Variants in TRIM5 observed in about 807,000 individuals in gnomAD.
TRIM5 encodes the protein tripartite motif containing 5.
Under a neutral mutation model 35.6 loss-of-function variants are expected in TRIM5, and 31 were observed. That is an observed-to-expected ratio of 0.87 (90% confidence interval 0.65 to 1.18). The LOEUF (loss-of-function observed/expected upper bound fraction) is 1.18. Among genes scored for constraint, TRIM5 ranks in the 50% most tolerant of loss-of-function variants. TRIM5 has a pLI of 0.00. For synonymous variants in TRIM5, 243 were observed against 215.6 expected (o/e 1.13, Z -1.11); for missense variants, 609 against 591.6 (o/e 1.03, Z -0.31).
chr11:5,682,954 G>T (rs889524249), intron 1 of TRIM5, among the ~76,000 whole-genome samples: 1 of 152,236 alleles, frequency 6.6e-6, no homozygotes, highest in Non-Finnish European at 1.5e-5. Flanking sequence ...GAGGGAGAGG[G>T]GCGAGCGGGA....
At chr11:5,592,796 A>T in the TRIM5 span, among the ~76,000 whole-genome samples, 1 of 151,534 alleles carries the variant, frequency 6.6e-6, no homozygotes. Context: ...GTATGCCCTT[A>T]GTCTCAGCTA....
At chr11:5,666,192 G>A in intron 5 of TRIM5, 111 bp from the exon 6 acceptor site, 1 of 905,604 alleles carries the variant, frequency 1.1e-6, no homozygotes, top group Non-Finnish European at 1.7e-6. Flanking sequence ...CTCTCTTCTT[G>A]GGGATCCTGA....
chr11:5,639,763 A>G, the TRIM5 span, among the ~76,000 whole-genome samples: 1 of 150,958 alleles, frequency 6.6e-6, no homozygotes, highest in South Asian at 2.1e-4. Context: ...CTGACTGTAC[A>G]TAAGACTATG....
chr11:5,601,647 A>G, the TRIM5 span, among the ~76,000 whole-genome samples: 1 of 152,132 alleles, frequency 6.6e-6, no homozygotes, highest in East Asian at 1.9e-4. Context: ...AATCCCAGCT[A>G]CTCAGGAGGC....
chr11:5,606,173 T>C, the TRIM5 span, among the ~76,000 whole-genome samples: 3 of 152,324 alleles, frequency 2.0e-5, no homozygotes, highest in Admixed American at 2.0e-4. Flanking sequence ...TTAGAGATGA[T>C]GTATTACCAG....
At chr11:5,671,252 A>T (rs1590243048) in intron 4 of TRIM5, among the ~76,000 whole-genome samples, 2 of 152,032 alleles carry the variant, frequency 1.3e-5, no homozygotes, top group Admixed American at 1.3e-4. Flanking sequence ...TTTACAAAAG[A>T]AATGTGTACA....
intron 4 of TRIM5, among the ~76,000 whole-genome samples, chr11:5,669,200 C>T (rs1208372978): frequency 6.6e-6 from 1 of 152,122 alleles, no homozygotes; most frequent in East Asian, 1.9e-4. Flanking sequence ...CTGCCTCAGC[C>T]TCCTGAGTAG....
the TRIM5 span, chr11:5,612,540 A>G: frequency 6.6e-6 from 1 of 152,256 alleles, no homozygotes; most frequent in Non-Finnish European, 1.5e-5. Context: ...TATGAACAAT[A>G]TAAAGCACTT....
chr11:5,623,441 C>T, the TRIM5 span, among the ~76,000 whole-genome samples: 3 of 151,806 alleles, frequency 2.0e-5, 1 homozygote, highest in Non-Finnish European at 4.4e-5. Flanking sequence ...GATCTCGGCT[C>T]ACTGCAACCT....
At chr11:5,622,504 C>T in the TRIM5 span, among the ~76,000 whole-genome samples, 1 of 151,536 alleles carries the variant, frequency 6.6e-6, no homozygotes, top group Non-Finnish European at 1.5e-5. Flanking sequence ...TGCCTGTAAT[C>T]CCAGCTACTC....
the TRIM5 span, among the ~76,000 whole-genome samples, chr11:5,651,323 G>A: frequency 6.6e-6 from 1 of 152,166 alleles, no homozygotes; most frequent in Non-Finnish European, 1.5e-5. Flanking sequence ...TTGGGATTTG[G>A]TGTACAGATT....
chr11:5,676,512 G>A (rs1160811497), intron 4 of TRIM5, among the ~76,000 whole-genome samples: 6 of 152,108 alleles, frequency 3.9e-5, no homozygotes, highest in East Asian at 1.9e-4. Context: ...AATCAATATC[G>A]TGAAAATGGC....
intron 4 of TRIM5, among the ~76,000 whole-genome samples, chr11:5,670,227 G>C (rs1015440246): frequency 8.1e-5 from 11 of 136,318 alleles, no homozygotes; most frequent in Non-Finnish European, 1.7e-4. Flanking sequence ...ACCCAGGCTG[G>C]AGTGCAGTGG....
Position 5,665,249 on chromosome 11 carries a change from T to C in TRIM5, c.1042A>G (p.Ile348Val), listed in dbSNP as rs2134018621. The change falls in exon 8 of 8, where the codon ATC becomes GTC. Residue 348 changes from isoleucine (I) to valine (V), a missense_variant. Physicochemically the swap from Ile to Val is conservative, Grantham distance 29. Coordinates refer to ENST00000380034, the MANE Select transcript of TRIM5 (RefSeq NM_033034.3). ...GATGTGATACTTTGAGAGCCCAGGA[T>C]GCCAGTACAATAATTGAAATTCACA... Reference protein sequence around the residue: ...TFVNFNYCTGILGSQSITSGK... With the variant: ...TFVNFNYCTGVLGSQSITSGK... 1 of 1,614,210 alleles carries C rather than the reference T, an allele frequency of 6.2e-7. No individual in the cohort carries two copies. Among genetic ancestry groups the C allele is most frequent in the Non-Finnish European group, 8.5e-7 (1 of 1,180,036 alleles).
At chr11:5,673,636 T>C (rs554581325) in intron 4 of TRIM5, among the ~76,000 whole-genome samples, 1 of 152,140 alleles carries the variant, frequency 6.6e-6, no homozygotes, top group East Asian at 1.9e-4. Flanking sequence ...TCTTTTCAAA[T>C]GCATATAAAA....
chr11:5,642,994 A>G, the TRIM5 span: 7 of 1,345,202 alleles, frequency 5.2e-6, no homozygotes, highest in South Asian at 1.1e-4. Flanking sequence ...TACCCCTCCA[A>G]TTCATCAGTG....
At chr11:5,643,395 C>CA in the TRIM5 span, 1 of 1,614,074 alleles carries the variant, frequency 6.2e-7, no homozygotes, top group Non-Finnish European at 8.5e-7. Flanking sequence ...TGCAAATCGT[C>CA]AAAATCTTTA....
At chr11:5,646,017 TAC>T in the TRIM5 span, among the ~76,000 whole-genome samples, 7 of 142,204 alleles carry the variant, frequency 4.9e-5, no homozygotes, top group South Asian at 1.3e-3. Context: ...AATACATATA[TAC>T]ATATGTATAG....
chr11:5,664,343 G>C lies in TRIM5; in HGVS notation c.*466C>G, dbSNP rs1850968099. The C allele has an allele frequency of 2.0e-6, 2 of 991,968 alleles. No individual in the cohort carries two copies. Among genetic ancestry groups the C allele is most frequent in the Non-Finnish European group, 2.4e-6 (2 of 833,734 alleles). 61.4% of individuals were successfully genotyped at this position (991,968 alleles called of 1,614,324 possible). ...AGATACAAAACCTCTATACTTAAGA[G>C]TATACCATTTATGATATTTTCTCTT... On this transcript the variant is annotated 3_prime_UTR_variant, in exon 8 of 8. Transcript: ENST00000380034.
Sources: allele counts gnomAD v4.1 joint callset (sites outside exome capture counted in the v4.1 genomes callset), GRCh38; gene constraint gnomAD v4.1.1; transcripts MANE v1.5; gene names NCBI Gene and HGNC (gene_info 2026-07-23, HGNC 2026-07-21).